The following PCDHA8 variants were observed in gnomAD, a reference collection of about 807,000 sequenced individuals.
The protein encoded by PCDHA8 is protocadherin alpha-8.
A neutral mutation model predicts 61.8 loss-of-function variants in PCDHA8; 53 were observed. That is an observed-to-expected ratio of 0.86 (90% CI 0.69 to 1.08). The LOEUF is 1.08. PCDHA8 is among the 50% of genes least tolerant of loss of function. PCDHA8 has a pLI of 0.00. For missense variants in PCDHA8, 1,293 were observed against 1,245.0 expected (o/e 1.04, Z -0.58); for synonymous variants, 618 against 556.6 (o/e 1.11, Z -1.55).
Position 140,848,312 on chromosome 5 carries a change from C to A in PCDHA8, c.2394+4597C>A, listed in dbSNP as rs4151686. 12 of 726,146 alleles carry A rather than the reference C, an allele frequency of 1.7e-5. 1 individual carries two copies. Among genetic ancestry groups the A allele is most frequent in the Non-Finnish European group, 2.5e-5 (11 of 437,168 alleles). The allele number at this position is 726,146 out of a possible 1,614,324, so 45.0% of individuals were successfully genotyped here. On this transcript the variant is annotated intron_variant, in intron 1 of 3. Transcript: ENST00000531613. ...TTGGGCCACGTGATGTCACTCTTTG[C>A]CGCGATGTTCTCTCTGAATCCAGAC... is the stretch of plus-strand genomic sequence containing the variant.
chr5:141,001,253 C>G (rs896546841), intron 3 of PCDHA8, among the ~76,000 whole-genome samples: 1 of 152,078 alleles, frequency 6.6e-6, no homozygotes, highest in East Asian at 1.9e-4. Context: ...CCCTATGGGG[C>G]GGGCACTCTT....
rs543030376 is a variant in PCDHA8, at chr5:140,961,758, G to A, written c.2395-17191G>A. 3.3e-5 allele frequency among the ~76,000 whole-genome samples: 5 copies of A among 152,240 alleles called. No individual in the cohort carries two copies. In the South Asian group the frequency reaches 8.3e-4, roughly 25 times the overall value. On this transcript the variant is annotated intron_variant, in intron 1 of 3. Coordinates refer to ENST00000531613, the MANE Select transcript of PCDHA8 (RefSeq NM_018911.3). ...CTTTAGTAATATTACAGTTTTGAAG[G>A]AATTTATATCAAGCTTAATGGCACT...
chr5:140,842,399 C>A lies in PCDHA8; in HGVS notation c.1078C>A (p.Arg360Ser). ...IALTSLSLPV[R>S]EDAQFGTVIA... ...ACTGACTTCCTTATCCTTGCCTGTACGTGAAGACGCTCAATTTGGTACTGT... is the reference window on the plus strand; with the variant it reads ...ACTGACTTCCTTATCCTTGCCTGTAAGTGAAGACGCTCAATTTGGTACTGT... Residue 360 changes from arginine (R) to serine (S), a missense_variant, in exon 1 of 4, where the codon CGT becomes AGT. Arg to Ser is a moderately radical substitution (Grantham distance 110). Transcript: ENST00000531613. The A allele has an allele frequency of 6.2e-7, 1 of 1,611,446 alleles. No homozygotes were observed. Among genetic ancestry groups the A allele is most frequent in the Non-Finnish European group, 8.5e-7 (1 of 1,177,670 alleles).
At chr5:140,985,128 G>A (rs908196925) in intron 3 of PCDHA8, among the ~76,000 whole-genome samples, 3 of 152,056 alleles carry the variant, frequency 2.0e-5, no homozygotes, top group Admixed American at 6.6e-5. Flanking sequence ...TAGTAAAGAC[G>A]GGGTTTCACC....
At position 140,843,325 on chromosome 5, in the gene PCDHA8, G is replaced by A; in HGVS notation, c.2004G>A (p.Ser668=). 6.3e-7 allele frequency: 1 copy of A among 1,596,050 alleles called. No individual in the cohort carries two copies. ...ALTATATVLV[S]LVESGQAPKA... ...CCGCCACGGCCACGGTTCTGGTGTC[G>A]CTGGTGGAGAGCGGCCAGGCTCCAA... Residue 668 remains serine, a synonymous_variant, in exon 1 of 4, where the codon TCG becomes TCA. Transcript: ENST00000531613.
chr5:140,898,275 T>C (rs13181478), intron 1 of PCDHA8, among the ~76,000 whole-genome samples: 1 of 152,166 alleles, frequency 6.6e-6, no homozygotes, highest in Non-Finnish European at 1.5e-5. Context: ...ATGCCTAAGT[T>C]CTGAATGGTA....
In PCDHA8 at chr5:140,929,084, T is replaced by C; in HGVS notation, c.2395-49865T>C. On this transcript the variant is annotated intron_variant, in intron 1 of 3. Transcript: ENST00000531613. ...GAGGATCTGAGGTATGGAAGTAAGATGGTTTCAAATCCTTGCATGACATCA... is the reference window on the plus strand; with the variant it reads ...GAGGATCTGAGGTATGGAAGTAAGACGGTTTCAAATCCTTGCATGACATCA... The C allele has an allele frequency of 1.9e-6, 3 of 1,614,160 alleles. No individual in the cohort carries two copies. The South Asian group carries it at 3.3e-5, about 18-fold the overall frequency.
intron 1 of PCDHA8, chr5:140,850,272 A>C: frequency 6.3e-7 from 1 of 1,594,726 alleles, no homozygotes; most frequent in Non-Finnish European, 8.6e-7. Context: ...AGTGGTGGGG[A>C]AGGTGCGCGC....
At chr5:140,875,997 T>C in intron 1 of PCDHA8, 13 of 1,613,924 alleles carry the variant, frequency 8.1e-6, no homozygotes, top group South Asian at 1.1e-5. Context: ...TAAGTCTAAA[T>C]GAGAATTTTG....
In PCDHA8 at chr5:140,937,571, C is replaced by T. The variant is rs188926211; in HGVS notation, c.2395-41378C>T. 1.3e-4 allele frequency among the ~76,000 whole-genome samples: 20 copies of T among 151,578 alleles called. No homozygotes were observed. The East Asian group carries it at 2.7e-3, about 21-fold the overall frequency. On this transcript the variant is annotated intron_variant, in intron 1 of 3. Coordinates refer to ENST00000531613, the MANE Select transcript of PCDHA8 (RefSeq NM_018911.3). Reference sequence around the variant, plus strand: ...GGCAGAGGTTGCAGTGAGCTGGGATCGCGTCACTGCACTCTAGCCTGGGCA... The same window carrying T: ...GGCAGAGGTTGCAGTGAGCTGGGATTGCGTCACTGCACTCTAGCCTGGGCA...
chr5:140,939,182 C>T (rs2092333864), intron 1 of PCDHA8, among the ~76,000 whole-genome samples: 1 of 152,146 alleles, frequency 6.6e-6, no homozygotes, highest in African/African-American at 2.4e-5. Context: ...GGCCCACTCC[C>T]TGGTTCATAA....
chr5:140,917,710 G>T (rs2078316558), intron 1 of PCDHA8, among the ~76,000 whole-genome samples: 3 of 152,132 alleles, frequency 2.0e-5, no homozygotes. Flanking sequence ...TTGTAGGTGT[G>T]CAGCTTTATT....
In PCDHA8 at chr5:141,010,171, A is replaced by G. The variant is rs2098416277; in HGVS notation, c.*234A>G. On this transcript the variant is annotated 3_prime_UTR_variant, in exon 4 of 4. Transcript: ENST00000531613. ...CCACTCTGGCTTGTTTTCAGAACCTAAAAAGCAGACCCAAGTTTCCTTTCT... is the reference window on the plus strand; with the variant it reads ...CCACTCTGGCTTGTTTTCAGAACCTGAAAAGCAGACCCAAGTTTCCTTTCT... The G allele has an allele frequency of 3.2e-6, 5 of 1,559,030 alleles. No individual in the cohort carries two copies. Among genetic ancestry groups the G allele is most frequent in the Non-Finnish European group, 4.3e-6 (5 of 1,150,704 alleles).
intron 1 of PCDHA8, among the ~76,000 whole-genome samples, chr5:140,918,322 A>G (rs538027862): frequency 1.1e-4 from 16 of 152,220 alleles, no homozygotes; most frequent in African/African-American, 2.6e-4. Context: ...GTATAAAATT[A>G]TATTGTCTGC....
chr5:140,938,560 C>T (rs2092118397), intron 1 of PCDHA8, among the ~76,000 whole-genome samples: 1 of 143,272 alleles, frequency 7.0e-6, no homozygotes, highest in Non-Finnish European at 1.5e-5. Flanking sequence ...TTATTAATAG[C>T]ATGCATTATA....
chr5:140,985,887 C>A (rs765609645), intron 3 of PCDHA8, among the ~76,000 whole-genome samples: 2 of 151,840 alleles, frequency 1.3e-5, no homozygotes, highest in Non-Finnish European at 2.9e-5. Context: ...CTACAGGCGC[C>A]CGCCACCACT....
At position 140,858,582 on chromosome 5, in the gene PCDHA8, A is replaced by G; in HGVS notation, c.2394+14867A>G. ...ATTTCTAGTGATACCTTTGTAATAT[A>G]ATTTATTCCAGGAGTTTTAAAATTT... On this transcript the variant is annotated intron_variant, in intron 1 of 3. Transcript: ENST00000531613. The G allele has an allele frequency of 1.5e-6, 2 of 1,346,266 alleles. 1 individual carries two copies. Among genetic ancestry groups the G allele is most frequent in the Non-Finnish European group, 2.0e-6 (2 of 983,500 alleles). The allele number at this position is 1,346,266 out of a possible 1,614,324, so 83.4% of individuals were successfully genotyped here. A position where few individuals can be genotyped will look rare whatever the true frequency, so the allele number is the denominator to read the frequency against.
chr5:140,983,711 G>C (rs2097062291), intron 3 of PCDHA8, among the ~76,000 whole-genome samples: 1 of 152,202 alleles, frequency 6.6e-6, no homozygotes, highest in Non-Finnish European at 1.5e-5. Context: ...AGTATATCTA[G>C]CACTTATATT....
In PCDHA8 at chr5:140,842,447, G is replaced by C. The variant is rs200777298; in HGVS notation, c.1126G>C (p.Asp376His). ...GTVIALISVN[D>H]LDSGANGQVT... ...TGTCATCGCCCTAATTAGCGTGAAC[G>C]ACCTCGATTCAGGTGCCAACGGGCA... Residue 376 changes from aspartate to histidine, a missense_variant, in exon 1 of 4, where the codon GAC (aspartate) becomes CAC (histidine). Transcript: ENST00000531613. 6.2e-7 allele frequency: 1 copy of C among 1,613,790 alleles called. No homozygotes were observed. Among genetic ancestry groups the C allele is most frequent in the Non-Finnish European group, 8.5e-7 (1 of 1,179,796 alleles).
Sources: allele counts gnomAD v4.1 joint callset (sites outside exome capture counted in the v4.1 genomes callset), GRCh38; gene constraint gnomAD v4.1.1; transcripts MANE v1.5; gene names NCBI Gene and HGNC (gene_info 2026-07-23, HGNC 2026-07-21).